Variants in LAMA1 observed in about 807,000 individuals in gnomAD.
The protein encoded by LAMA1 is laminin subunit alpha-1.
LAMA1 carries 219 observed loss-of-function variants against 348.7 expected under a neutral mutation model. The observed-to-expected ratio is 0.63, with a 90% CI of 0.56 to 0.70. The LOEUF is 0.70. Ranked by LOEUF, LAMA1 falls within the 30% of genes least tolerant of loss-of-function variation. The pLI, the probability that LAMA1 is intolerant of heterozygous loss-of-function variation, is 0.00. For missense variants in LAMA1, 3,744 were observed against 3,888.0 expected, an observed-to-expected ratio of 0.96 and a Z score of 0.99; for synonymous variants, 1,487 against 1,491.0, an observed-to-expected ratio of 1.00 and a Z score of 0.06.
At chr18:7,107,957 T>C (rs1051196410) in intron 1 of LAMA1, among the ~76,000 whole-genome samples, 2 of 150,726 alleles carry the variant, frequency 1.3e-5, no homozygotes, top group African/African-American at 4.9e-5. Flanking sequence ...GAGCTTGCAG[T>C]GAGCCAAGAT....
chr18:7,002,212 T>C, intron 30 of LAMA1, 52 bp downstream of exon 30: 1 of 1,602,790 alleles, frequency 6.2e-7, no homozygotes. Flanking sequence ...GAGGCTGAAC[T>C]GGAAGCAGCC....
intron 36 of LAMA1, among the ~76,000 whole-genome samples, chr18:6,992,072 A>G (rs2057761256): frequency 6.6e-6 from 1 of 152,214 alleles, no homozygotes; most frequent in Non-Finnish European, 1.5e-5. Flanking sequence ...ACTCCTTGTG[A>G]CTGTATGTAA....
chr18:7,023,456 G>T, intron 18 of LAMA1, 81 bp from the exon 19 acceptor site: 2 of 1,144,778 alleles, frequency 1.7e-6, no homozygotes, highest in Non-Finnish European at 2.6e-6. Context: ...TCCCTGAATG[G>T]CTAATAAATC....
At chr18:7,008,798 T>C (rs564655158) in intron 27 of LAMA1, among the ~76,000 whole-genome samples, 190 bp from the exon 28 acceptor site, 2 of 152,300 alleles carry the variant, frequency 1.3e-5, no homozygotes, top group African/African-American at 2.4e-5. Context: ...ACTTTAGACA[T>C]TTTAGAATTT....
intron 36 of LAMA1, among the ~76,000 whole-genome samples, chr18:6,989,827 A>C (rs2057751065): frequency 6.6e-6 from 1 of 152,078 alleles, no homozygotes; most frequent in Non-Finnish European, 1.5e-5. Flanking sequence ...AACCTTCCTC[A>C]GCCCCCCACA....
rs541850460 is a variant in LAMA1 at position 7,011,614 on chromosome 18, TTAAAC to T, written c.3508-140_3508-136del. 12 of 960,402 alleles carry T rather than the reference TTAAAC, an allele frequency of 1.2e-5. No individual in the cohort carries two copies. The South Asian group carries it at 1.7e-4, about 14-fold the overall frequency. The allele number at this position is 960,402 out of a possible 1,614,324, so 59.5% of individuals were successfully genotyped here. On this transcript the variant is annotated intron_variant, in intron 24 of 62. Transcript: ENST00000389658. ...AACAGAAACAGTAAAGACTTTTCCT[TTAAAC>T]TAAACATCTGGAAGAAAATGAACTG... is the stretch of plus-strand genomic sequence containing the variant.
At chr18:7,021,774 C>A (rs2057916318) in intron 19 of LAMA1, among the ~76,000 whole-genome samples, 1 of 134,930 alleles carries the variant, frequency 7.4e-6, no homozygotes, top group African/African-American at 2.8e-5. Context: ...TTCTGTTGGA[C>A]AGCAGTGGAG....
intron 1 of LAMA1, among the ~76,000 whole-genome samples, chr18:7,106,063 G>A (rs1280285326): frequency 6.6e-6 from 1 of 152,212 alleles, no homozygotes; most frequent in Non-Finnish European, 1.5e-5. Context: ...GCTCTGAGAT[G>A]TGTGGGTGTT....
chr18:7,011,659 T>C (rs2057861178), intron 24 of LAMA1, among the ~76,000 whole-genome samples, 180 bp from the exon 25 acceptor site: 1 of 152,212 alleles, frequency 6.6e-6, no homozygotes, highest in Non-Finnish European at 1.5e-5. Context: ...TGCTTTAAAC[T>C]ACTGCCATTT....
rs2057874258 is a variant in LAMA1, at chr18:7,014,070, A to C, written c.3127-19T>G. 1 of 1,594,502 alleles carries C rather than the reference A, an allele frequency of 6.3e-7. No individual in the cohort carries two copies. The highest frequency in any genetic ancestry group is 1.3e-5 in the African/African-American group (1 of 74,500). On this transcript the variant is annotated intron_variant, in intron 22 of 62. Coordinates refer to ENST00000389658, the MANE Select transcript of LAMA1 (RefSeq NM_005559.4). ...TGCAGGCCTGAGAGAAGGGAAAACC[A>C]ACTCAATTAAAAAGGCAGATTTGAT...
chr18:7,090,727 AGAGGGAGGGAGG>A (rs918616891), intron 1 of LAMA1, among the ~76,000 whole-genome samples: 1 of 140,160 alleles, frequency 7.1e-6, no homozygotes, highest in Non-Finnish European at 1.6e-5. Flanking sequence ...AGGGAGGGAG[AGAGGGAGGGAGG>A]GAGGGAATAA....
chr18:7,046,599 C>T (rs1387897472), intron 5 of LAMA1, among the ~76,000 whole-genome samples: 1 of 152,070 alleles, frequency 6.6e-6, no homozygotes, highest in African/African-American at 2.4e-5. Context: ...AAAAGAATTC[C>T]CCAACTGCAT....
chr18:7,103,494 C>A (rs2143823863), intron 1 of LAMA1, among the ~76,000 whole-genome samples: 1 of 151,880 alleles, frequency 6.6e-6, no homozygotes, highest in Admixed American at 6.6e-5. Flanking sequence ...TACCTGGATT[C>A]TTCCTTGTTC....
intron 44 of LAMA1, among the ~76,000 whole-genome samples, chr18:6,977,161 G>A (rs1301192558): frequency 6.6e-6 from 1 of 152,188 alleles, no homozygotes; most frequent in East Asian, 1.9e-4. Flanking sequence ...CACAGCCAGT[G>A]CCATGTGCCA....
intron 14 of LAMA1, among the ~76,000 whole-genome samples, chr18:7,034,222 C>G (rs2057984025): frequency 6.6e-6 from 1 of 152,206 alleles, no homozygotes; most frequent in Non-Finnish European, 1.5e-5. Context: ...GTGCATTTCC[C>G]AGAAACCCCC....
rs545743887 is a variant in LAMA1, at chr18:7,033,317, G to A, written c.2052-222C>T. Among the ~76,000 whole-genome samples the A allele has an allele frequency of 2.4e-4, 36 of 152,162 alleles. No homozygotes were observed. The South Asian group carries it at 6.7e-3, about 28-fold the overall frequency. On this transcript the variant is annotated intron_variant, in intron 14 of 62. Coordinates refer to ENST00000389658, the MANE Select transcript of LAMA1 (RefSeq NM_005559.4). ...ATTAAAAATACAAAATTAGCCGGGC[G>A]TGGTGGCATGTGCCTGTAGTCCCAG...
intron 12 of LAMA1, 52 bp downstream of exon 12, chr18:7,037,526 T>C: frequency 6.3e-7 from 1 of 1,597,574 alleles, no homozygotes; most frequent in South Asian, 1.1e-5. Context: ...TCTTTCTCAG[T>C]GTTCCCTGAG....
intron 1 of LAMA1, among the ~76,000 whole-genome samples, chr18:7,090,018 G>A (rs1286844979): frequency 6.6e-6 from 1 of 152,086 alleles, no homozygotes; most frequent in Non-Finnish European, 1.5e-5. Flanking sequence ...GTTCCAAGAG[G>A]CCTCAGCTCC....
At chr18:7,031,146 T>G (rs1375172040) in intron 16 of LAMA1, among the ~76,000 whole-genome samples, 1 of 152,160 alleles carries the variant, frequency 6.6e-6, no homozygotes, top group Non-Finnish European at 1.5e-5. Context: ...GGTAATTAAT[T>G]TTCCCTAACT....
Sources: allele counts gnomAD v4.1 joint callset (sites outside exome capture counted in the v4.1 genomes callset), GRCh38; gene constraint gnomAD v4.1.1; transcripts MANE v1.5; gene names NCBI Gene and HGNC (gene_info 2026-07-23, HGNC 2026-07-21).